DHX32: variants seen among roughly 807,000 people sequenced by gnomAD.
DHX32 encodes the protein DEAH-box helicase 32 (putative), also known as putative pre-mRNA-splicing factor ATP-dependent RNA helicase DHX32.
In DHX32, 51 loss-of-function variants were observed where a neutral mutation model predicts 70.0. That is an observed-to-expected ratio of 0.73 (90% CI 0.58 to 0.92). The LOEUF is 0.92. DHX32 is among the 40% of genes least tolerant of loss of function. The pLI is 0.00. For missense variants in DHX32, 762 were observed against 891.8 expected, an observed-to-expected ratio of 0.85 and a Z score of 1.85; for synonymous variants, 310 against 315.3, an observed-to-expected ratio of 0.98 and a Z score of 0.18.
intron 1 of DHX32, 117 bp downstream of exon 1, chr10:125,880,426 A>C: frequency 9.4e-7 from 1 of 1,066,300 alleles, no homozygotes; most frequent in Non-Finnish European, 1.3e-6. Flanking sequence ...TTATCTGAAT[A>C]ATGTTTTGTT....
At chr10:125,882,857 C>A (rs2366053), upstream of DHX32, among the ~76,000 whole-genome samples, 70,926 of 152,008 alleles carry the variant, frequency 0.47, 16,986 homozygotes, top group African/African-American at 0.55. Context: ...TTCCACTCTT[C>A]AGAGAAGTTA....
chr10:125,869,184 G>T (rs1944241318), intron 1 of DHX32: 1 of 152,094 alleles, frequency 6.6e-6, no homozygotes, highest in African/African-American at 2.4e-5. Context: ...ACTTTTAAAT[G>T]GATTGCCTTC....
At chr10:125,838,952 ATG>A (rs1259030310) in intron 9 of DHX32, 47 bp downstream of exon 9, 5 of 1,547,074 alleles carry the variant, frequency 3.2e-6, no homozygotes, top group Non-Finnish European at 4.4e-6. Flanking sequence ...TATCCTGAGT[ATG>A]TGCAATTCAG....
At chr10:125,893,010 C>A (rs559444250) in intron 1 of DHX32, among the ~76,000 whole-genome samples, 1 of 152,144 alleles carries the variant, frequency 6.6e-6, no homozygotes, top group African/African-American at 2.4e-5. Context: ...ACAGAAGAAG[C>A]GTAAGTCATG....
At chr10:125,849,065 A>G (rs1944058690) in intron 6 of DHX32, among the ~76,000 whole-genome samples, 2 of 152,088 alleles carry the variant, frequency 1.3e-5, no homozygotes, top group Admixed American at 1.3e-4. Flanking sequence ...ATCTGTTTCC[A>G]CCTTTCATCC....
intron 6 of DHX32, among the ~76,000 whole-genome samples, chr10:125,847,685 G>T (rs1379569230): frequency 6.6e-6 from 1 of 152,152 alleles, no homozygotes; most frequent in Non-Finnish European, 1.5e-5. Context: ...AATATATAAT[G>T]AAATAATTAT....
intron 1 of DHX32, among the ~76,000 whole-genome samples, chr10:125,871,887 A>C (rs1589715946): frequency 7.7e-6 from 1 of 129,650 alleles, no homozygotes; most frequent in Non-Finnish European, 1.6e-5. Context: ...TTTGAGATGG[A>C]GTCTCACTCT....
Position 125,859,765 on chromosome 10 carries a change from A to G in DHX32, c.687T>C (p.Tyr229=), listed in dbSNP as rs1426830565. 6.2e-7 allele frequency: 1 copy of G among 1,614,048 alleles called. No homozygotes were observed. The highest frequency in any genetic ancestry group is 8.5e-7 in the Non-Finnish European group (1 of 1,180,024). ...TCACTTCTATGACAGGCACGTTTCC[A>G]TAATAAGAATTGAGTTTGCTGATCA... is the stretch of plus-strand genomic sequence containing the variant. The part of the protein sequence containing the change: ...PHLISKLNSY[Y]GNVPVIEVKN... The change falls in exon 3 of 11, where the codon TAT becomes TAC. Residue 229 remains tyrosine, a synonymous_variant. Coordinates refer to ENST00000284690, the MANE Select transcript of DHX32 (RefSeq NM_018180.3).
At chr10:125,889,513 C>T (rs1215646809) in intron 1 of DHX32, among the ~76,000 whole-genome samples, 7 of 152,248 alleles carry the variant, frequency 4.6e-5, no homozygotes, top group Non-Finnish European at 1.0e-4. Context: ...AAAGAGCTTG[C>T]ACCAGAATGT....
At chr10:125,883,160 AT>A (rs1944327612), upstream of DHX32, among the ~76,000 whole-genome samples, 1 of 152,194 alleles carries the variant, frequency 6.6e-6, no homozygotes, top group African/African-American at 2.4e-5. Flanking sequence ...AGTTTTCTGA[AT>A]AGTCTTCTTT....
At chr10:125,894,275 T>G (rs1458040116) in intron 1 of DHX32, among the ~76,000 whole-genome samples, 6 of 152,156 alleles carry the variant, frequency 3.9e-5, no homozygotes. Context: ...TCTCCAATAG[T>G]AAAGTGTATC....
At position 125,859,947 on chromosome 10, in the gene DHX32, C is replaced by G. The variant is rs1944175337; in HGVS notation, c.505G>C (p.Glu169Gln). The G allele has an allele frequency of 6.2e-7, 1 of 1,606,470 alleles. No individual in the cohort carries two copies. Among genetic ancestry groups the G allele is most frequent in the Admixed American group, 1.7e-5 (1 of 58,964 alleles). The change falls in exon 3 of 11, where the codon GAA (glutamate) becomes CAA (glutamine). Residue 169 changes from glutamate to glutamine, a missense_variant. Coordinates refer to ENST00000284690, the MANE Select transcript of DHX32 (RefSeq NM_018180.3). ...CCCAAAAAAGGATTGGACATCATTT[C>G]TCTTTGCAGCATATCATCAGTACAA... Reference protein sequence around the residue: ...RYCTDDMLQREMMSNPFLGSY... With the variant: ...RYCTDDMLQRQMMSNPFLGSY...
At chr10:125,847,649 CTTTATT>C (rs1200764576) in intron 6 of DHX32, among the ~76,000 whole-genome samples, 8 of 152,110 alleles carry the variant, frequency 5.3e-5, no homozygotes, top group African/African-American at 1.9e-4. Context: ...TACATGTGCA[CTTTATT>C]TTTATTATTA....
intron 3 of DHX32, among the ~76,000 whole-genome samples, chr10:125,859,290 A>G (rs1944169765): frequency 6.6e-6 from 1 of 152,106 alleles, no homozygotes; most frequent in South Asian, 2.1e-4. Flanking sequence ...CTGTACCAAG[A>G]GACAATTCAC....
intron 4 of DHX32, chr10:125,853,133 C>CGGGGGCAA: frequency 6.2e-7 from 1 of 1,607,066 alleles, no homozygotes; most frequent in South Asian, 1.1e-5. Flanking sequence ...AGGTGGTTCA[C>CGGGGGCAA]GGGGGCAAGT....
At chr10:125,860,635 C>T (rs1226674469) in intron 2 of DHX32, among the ~76,000 whole-genome samples, 1 of 151,684 alleles carries the variant, frequency 6.6e-6, no homozygotes, top group African/African-American at 2.4e-5. Context: ...TCCCATACTT[C>T]TTGGGATGAT....
chr10:125,888,705 C>T (rs1314306355), intron 1 of DHX32, among the ~76,000 whole-genome samples: 6 of 152,306 alleles, frequency 3.9e-5, no homozygotes, highest in African/African-American at 1.4e-4. Flanking sequence ...CAAACACTAT[C>T]TTAATAAAGC....
chr10:125,879,040 T>C (rs1944301980), intron 1 of DHX32, among the ~76,000 whole-genome samples: 1 of 108,510 alleles, frequency 9.2e-6, no homozygotes, highest in African/African-American at 3.4e-5. Context: ...TTTTTTTTTT[T>C]TGAGACGGGG....
intron 1 of DHX32, among the ~76,000 whole-genome samples, chr10:125,889,168 T>C (rs1325866988): frequency 1.3e-5 from 2 of 152,358 alleles, no homozygotes; most frequent in East Asian, 3.9e-4. Context: ...AAACACTCAC[T>C]GCATATATTC....
Sources: allele counts gnomAD v4.1 joint callset (sites outside exome capture counted in the v4.1 genomes callset), GRCh38; gene constraint gnomAD v4.1.1; transcripts MANE v1.5; gene names NCBI Gene and HGNC (gene_info 2026-07-23, HGNC 2026-07-21).